NRG3: variants seen among roughly 807,000 people sequenced by gnomAD.
The protein encoded by NRG3 is neuregulin 3, also known as pro-neuregulin-3, membrane-bound isoform.
In NRG3, 31 loss-of-function variants were observed where a neutral mutation model predicts 66.9. That is an observed-to-expected ratio of 0.46 (90% CI 0.35 to 0.63). The LOEUF is 0.63. Among genes scored for constraint, NRG3 ranks in the 20% least tolerant of loss-of-function variants. NRG3 has a pLI of 0.00. For missense variants in NRG3, 910 were observed against 878.9 expected, an observed-to-expected ratio of 1.04 and a Z score of -0.45; for synonymous variants, 393 against 359.4, an observed-to-expected ratio of 1.09 and a Z score of -1.06.
At chr10:81,883,538 T>C (rs888498473) in intron 1 of NRG3, among the ~76,000 whole-genome samples, 1 of 152,196 alleles carries the variant, frequency 6.6e-6, no homozygotes, top group African/African-American at 2.4e-5. Context: ...CTGGAAGTGA[T>C]AGTGTGTATC....
At chr10:82,119,803 T>C (rs1219480315) in intron 1 of NRG3, among the ~76,000 whole-genome samples, 3 of 152,052 alleles carry the variant, frequency 2.0e-5, no homozygotes, top group African/African-American at 4.8e-5. Flanking sequence ...GAAAATAAAG[T>C]TTTATGTGTT....
At chr10:82,114,721 G>C (rs1209073485) in intron 1 of NRG3, among the ~76,000 whole-genome samples, 1 of 152,068 alleles carries the variant, frequency 6.6e-6, no homozygotes, top group Non-Finnish European at 1.5e-5. Context: ...TTTTGCCCCT[G>C]CTTAAACAAG....
intron 2 of NRG3, among the ~76,000 whole-genome samples, chr10:82,390,345 G>T: frequency 7.4e-6 from 1 of 134,440 alleles, no homozygotes; most frequent in East Asian, 3.3e-4. Flanking sequence ...TTTTTTTGTG[G>T]GGGGGCTGGG....
chr10:82,143,897 G>A (rs952169019), intron 1 of NRG3, among the ~76,000 whole-genome samples: 2 of 151,962 alleles, frequency 1.3e-5, no homozygotes, highest in African/African-American at 4.8e-5. Flanking sequence ...GGGCATGGTG[G>A]TGCACACCCG....
At chr10:82,431,085 C>T (rs1455534061) in intron 2 of NRG3, among the ~76,000 whole-genome samples, 1 of 152,108 alleles carries the variant, frequency 6.6e-6, no homozygotes, top group Non-Finnish European at 1.5e-5. Context: ...CTCTTATTTG[C>T]TTCAACTGGT....
At chr10:82,127,490 C>G (rs1340605960) in intron 1 of NRG3, among the ~76,000 whole-genome samples, 1 of 152,018 alleles carries the variant, frequency 6.6e-6, no homozygotes, top group Non-Finnish European at 1.5e-5. Flanking sequence ...AGTTGGTTCT[C>G]TCTCTCTCTT....
intron 1 of NRG3, among the ~76,000 whole-genome samples, chr10:82,229,904 A>C (rs1303489391): frequency 6.6e-6 from 1 of 152,228 alleles, no homozygotes; most frequent in African/African-American, 2.4e-5. Flanking sequence ...AAATATCAAA[A>C]AGCATGTGAA....
chr10:82,444,873 T>C (rs1441742128), intron 2 of NRG3, among the ~76,000 whole-genome samples: 1 of 152,240 alleles, frequency 6.6e-6, no homozygotes, highest in Non-Finnish European at 1.5e-5. Flanking sequence ...AGATTCTTTG[T>C]AAAATTACTT....
chr10:82,857,280 G>A (rs1374166650), intron 3 of NRG3, among the ~76,000 whole-genome samples: 1 of 152,198 alleles, frequency 6.6e-6, no homozygotes, highest in Non-Finnish European at 1.5e-5. Context: ...TTTAGAGAAT[G>A]ATAAGAGATT....
intron 1 of NRG3, among the ~76,000 whole-genome samples, chr10:81,979,409 C>A (rs2060252255): frequency 6.6e-6 from 1 of 152,014 alleles, no homozygotes; most frequent in Non-Finnish European, 1.5e-5. Context: ...GCACACATTG[C>A]TAGAGAGCTA....
chr10:82,691,271 T>A (rs557703108), intron 2 of NRG3, among the ~76,000 whole-genome samples: 1 of 152,344 alleles, frequency 6.6e-6, no homozygotes, highest in South Asian at 2.1e-4. Context: ...TATGAAGGGC[T>A]AGCAGTTCCA....
intron 1 of NRG3, among the ~76,000 whole-genome samples, chr10:82,066,241 A>G (rs898617480): frequency 6.6e-6 from 1 of 151,270 alleles, no homozygotes; most frequent in African/African-American, 2.5e-5. Flanking sequence ...TCTTAGTACA[A>G]GAATGTGTTT....
At chr10:81,983,200 A>ATTC (rs1319085245) in intron 1 of NRG3, among the ~76,000 whole-genome samples, 1 of 152,236 alleles carries the variant, frequency 6.6e-6, no homozygotes, top group Non-Finnish European at 1.5e-5. Context: ...AAATGAACAT[A>ATTC]GAGTCTGTGA....
At chr10:82,789,202 G>T (rs2060487615) in intron 3 of NRG3, among the ~76,000 whole-genome samples, 2 of 151,886 alleles carry the variant, frequency 1.3e-5, no homozygotes, top group African/African-American at 4.8e-5. Context: ...TCAAGAAATG[G>T]TATCTCACTA....
intron 2 of NRG3, among the ~76,000 whole-genome samples, chr10:82,473,992 A>C (rs114952837): frequency 2.6e-5 from 4 of 152,082 alleles, no homozygotes; most frequent in African/African-American, 7.2e-5. Context: ...ACTATCATGT[A>C]TATGAAGAAT....
At chr10:81,926,289 T>A (rs1846775605) in intron 1 of NRG3, among the ~76,000 whole-genome samples, 1 of 151,970 alleles carries the variant, frequency 6.6e-6, no homozygotes, top group Non-Finnish European at 1.5e-5. Context: ...AGATACTTTT[T>A]TTTTGTATTT....
intron 1 of NRG3, among the ~76,000 whole-genome samples, chr10:82,149,421 T>A (rs1049781153): frequency 6.6e-6 from 1 of 152,184 alleles, no homozygotes; most frequent in Non-Finnish European, 1.5e-5. Flanking sequence ...TTATTTAAAA[T>A]TTAATTGCTT....
At chr10:82,112,965 C>G (rs2067480041) in intron 1 of NRG3, among the ~76,000 whole-genome samples, 1 of 152,120 alleles carries the variant, frequency 6.6e-6, no homozygotes, top group Non-Finnish European at 1.5e-5. Context: ...AGCTCATCTT[C>G]TCCCCCACAC....
chr10:82,208,473 C>T (rs780993766), intron 1 of NRG3, among the ~76,000 whole-genome samples: 3 of 152,078 alleles, frequency 2.0e-5, no homozygotes, highest in Admixed American at 6.6e-5. Context: ...ATGCCATTCC[C>T]ATAACCATAT....
Sources: allele counts gnomAD v4.1 joint callset (sites outside exome capture counted in the v4.1 genomes callset), GRCh38; gene constraint gnomAD v4.1.1; transcripts MANE v1.5; gene names NCBI Gene and HGNC (gene_info 2026-07-23, HGNC 2026-07-21).